The following ITGA11 variants were observed in gnomAD, a reference collection of about 807,000 sequenced individuals.
The protein encoded by ITGA11 is integrin alpha-11.
ITGA11 carries 97 observed loss-of-function variants against 141.9 expected under a neutral mutation model. That is an observed-to-expected ratio of 0.68 (90% CI 0.58 to 0.81). ITGA11 has a LOEUF of 0.81. Among genes scored for constraint, ITGA11 ranks in the 30% least tolerant of loss-of-function variants. The probability of loss-of-function intolerance (pLI) is 0.00; values close to 1 mark genes in which losing one functional copy is unlikely to be tolerated. For synonymous variants in ITGA11, 658 were observed against 624.6 expected (o/e 1.05, Z -0.80); for missense variants, 1,387 against 1,559.2 (o/e 0.89, Z 1.86).
rs1484114299 is a variant in ITGA11 at position 68,364,769 on chromosome 15, G to A, written c.295C>T (p.Arg99Trp). The A allele has an allele frequency of 1.9e-5, 30 of 1,613,076 alleles. No homozygotes were observed. The highest frequency in any genetic ancestry group is 2.5e-5 in the Non-Finnish European group (29 of 1,179,490). The change falls in exon 4 of 30, where the codon CGG becomes TGG. Residue 99 changes from arginine to tryptophan, a missense_variant. Physicochemically the swap from Arg to Trp is moderately radical, Grantham distance 101. Transcript: ENST00000315757. The part of the protein sequence containing the change: ...GRVTLSNVSE[R>W]KDNMRLGLSL... ...AGGCCGAGGCGCATGTTGTCTTTCC[G>A]CTCGGACACGTTGGACAGGGTGACC...
rs1317903443 is a variant in ITGA11 at position 68,428,903 on chromosome 15, G to T, written c.52+3112C>A. ...CCCTGAGTTCTTATTATGATCAAGA[G>T]TTTGGGCCAGGGCTTTGCGGGAGGG... On this transcript the variant is annotated intron_variant, in intron 1 of 29. Transcript: ENST00000315757. Among the ~76,000 whole-genome samples the T allele has an allele frequency of 3.3e-5, 5 of 152,328 alleles. No individual in the cohort carries two copies. In the East Asian group the frequency reaches 9.6e-4, roughly 29 times the overall value.
rs371042094 is a variant in ITGA11 at position 68,402,990 on chromosome 15, C to G, written c.92G>C (p.Arg31Pro). 8 of 1,613,478 alleles carry G rather than the reference C, an allele frequency of 5.0e-6. No individual in the cohort carries two copies. Among genetic ancestry groups the G allele is most frequent in the Non-Finnish European group, 6.8e-6 (8 of 1,179,726 alleles). The change falls in exon 2 of 30, where the codon CGG becomes CCG. Residue 31 changes from arginine to proline, a missense_variant. Arg to Pro is a moderately radical substitution (Grantham distance 103). Transcript: ENST00000315757. ...DTFNMDTRKPRVIPGSRTAFF... is the reference protein window; with the variant it reads ...DTFNMDTRKPPVIPGSRTAFF... The stretch of plus-strand genomic sequence containing the variant: ...GGCGGTCCTGGAGCCAGGGATGACC[C>G]GGGGCTTCCTGGTGTCCATGTTGAA...
chr15:68,396,250 CCAAT>C (rs34098259), intron 2 of ITGA11, among the ~76,000 whole-genome samples: 75,934 of 150,318 alleles, frequency 0.51, 19,532 homozygotes, highest in East Asian at 0.68. Flanking sequence ...AAATATCAAT[CCAAT>C]CAATCAATCA....
intron 1 of ITGA11, among the ~76,000 whole-genome samples, chr15:68,420,961 C>T (rs938168760): frequency 6.6e-6 from 1 of 152,174 alleles, no homozygotes; most frequent in Non-Finnish European, 1.5e-5. Flanking sequence ...GGTAGGAGCC[C>T]GAGGCAAGGC....
intron 1 of ITGA11, among the ~76,000 whole-genome samples, chr15:68,425,132 TG>T: frequency 6.6e-6 from 1 of 152,304 alleles, no homozygotes; most frequent in East Asian, 1.9e-4. Flanking sequence ...ACAGGCCACT[TG>T]GTTTTTTATC....
intron 1 of ITGA11, among the ~76,000 whole-genome samples, chr15:68,418,448 C>CT: frequency 6.6e-6 from 1 of 152,266 alleles, no homozygotes; most frequent in South Asian, 2.1e-4. Context: ...CAGTTTCTTA[C>CT]TTCACATGGC....
At chr15:68,349,432 C>G (rs1423601612) in intron 9 of ITGA11, among the ~76,000 whole-genome samples, 3 of 152,188 alleles carry the variant, frequency 2.0e-5, no homozygotes, top group Non-Finnish European at 4.4e-5. Flanking sequence ...CAGAGGGACT[C>G]CCTGAACACA....
chr15:68,364,778 C>T lies in ITGA11; in HGVS notation c.286G>A (p.Val96Met), dbSNP rs201928196. The change falls in exon 4 of 30, where the codon GTG becomes ATG. Residue 96 changes from valine (V) to methionine (M), a missense_variant. By Grantham distance (21) the Val-to-Met change is conservative. Coordinates refer to ENST00000315757, the MANE Select transcript of ITGA11 (RefSeq NM_001004439.2). ...CGCATGTTGTCTTTCCGCTCGGACACGTTGGACAGGGTGACCCTTCCTGGG... is the reference window on the plus strand; with the variant it reads ...CGCATGTTGTCTTTCCGCTCGGACATGTTGGACAGGGTGACCCTTCCTGGG... ...LNLGRVTLSN[V>M]SERKDNMRLG... The T allele has an allele frequency of 7.2e-4, 1,169 of 1,613,802 alleles. 2 individuals carry two copies. The highest frequency in any genetic ancestry group is 1.8e-3 in the Admixed American group (109 of 60,030).
intron 11 of ITGA11, among the ~76,000 whole-genome samples, chr15:68,338,403 C>T (rs1447116979): frequency 3.3e-5 from 5 of 152,242 alleles, no homozygotes; most frequent in East Asian, 1.9e-4. Context: ...CTGCTTACCA[C>T]GGCACTTAAC....
Position 68,307,502 on chromosome 15 carries a change from C to G in ITGA11, c.3286-59G>C. On this transcript the variant is annotated intron_variant, in intron 27 of 29. Coordinates refer to ENST00000315757, the MANE Select transcript of ITGA11 (RefSeq NM_001004439.2). This position sits in a 1 kb window ranked among gnomAD's most constrained non-coding sequence, Gnocchi z 6.1. The stretch of plus-strand genomic sequence containing the variant: ...TGGAAGCTTTTCTTCCCGTCCCCTC[C>G]CCAGGCAGCCCCAGGTGGAAGACAT... The G allele has an allele frequency of 1.3e-6, 2 of 1,509,632 alleles. No individual in the cohort carries two copies. The highest frequency in any genetic ancestry group is 2.4e-5 in the South Asian group (2 of 83,700). 93.5% of individuals were successfully genotyped at this position (1,509,632 alleles called of 1,614,324 possible).
At position 68,326,474 on chromosome 15, in the gene ITGA11, C is replaced by T. The variant is rs1176876280; in HGVS notation, c.2211+180G>A. On this transcript the variant is annotated intron_variant, in intron 17 of 29. Transcript: ENST00000315757. This position sits in a 1 kb window ranked among gnomAD's most constrained non-coding sequence, Gnocchi z 6.8. ...GGATGTCTAGTGAGGTGGTATGTAG[C>T]GTGTCTCTGGGGCATGAGGTGGGAA... 6.6e-6 allele frequency among the ~76,000 whole-genome samples: 1 copy of T among 151,864 alleles called. No individual in the cohort carries two copies. The highest frequency in any genetic ancestry group is 1.5e-5 in the Non-Finnish European group (1 of 67,990).
At chr15:68,317,505 C>T in intron 20 of ITGA11, 142 bp from the exon 21 acceptor site, 2 of 656,224 alleles carry the variant, frequency 3.0e-6, no homozygotes, top group South Asian at 3.6e-5. Flanking sequence ...TGGACCACAG[C>T]CCTTCTGATG....
chr15:68,405,889 G>A (rs934652672), intron 1 of ITGA11, among the ~76,000 whole-genome samples: 7 of 152,088 alleles, frequency 4.6e-5, no homozygotes, highest in African/African-American at 1.7e-4. Flanking sequence ...CACGCACACA[G>A]ATATACATGT....
rs527496019 is a variant in ITGA11 at position 68,397,854 on chromosome 15, T to A, written c.164+5064A>T. ...AAATATTATTCTATTTATTATAACA[T>A]TCTTAAAGAAAAGAATCTTCAACCC... is the stretch of plus-strand genomic sequence containing the variant. On this transcript the variant is annotated intron_variant, in intron 2 of 29. Coordinates refer to ENST00000315757, the MANE Select transcript of ITGA11 (RefSeq NM_001004439.2). 2.7e-3 allele frequency among the ~76,000 whole-genome samples: 399 copies of A among 145,830 alleles called. 3 individuals carry two copies. Among genetic ancestry groups the A allele is most frequent in the African/African-American group, 9.8e-3 (393 of 39,992 alleles).
chr15:68,384,882 G>C (rs1273704088), intron 2 of ITGA11, among the ~76,000 whole-genome samples: 1 of 152,216 alleles, frequency 6.6e-6, no homozygotes, highest in Non-Finnish European at 1.5e-5. Context: ...CCCCAGGCCT[G>C]GCAGCCTGCA....
At chr15:68,343,312 G>C (rs1418072689) in intron 10 of ITGA11, among the ~76,000 whole-genome samples, 1 of 152,164 alleles carries the variant, frequency 6.6e-6, no homozygotes, top group African/African-American at 2.4e-5. Context: ...ACTGAGAAGA[G>C]GGGGTGAGTA....
rs1897285819 is a variant in ITGA11, at chr15:68,432,144, C to A, written c.-78G>T. On this transcript the variant is annotated 5_prime_UTR_variant, in exon 1 of 30. Coordinates refer to ENST00000315757, the MANE Select transcript of ITGA11 (RefSeq NM_001004439.2). ...AGCCAGAGCGGCAGCCTCCTCGGCG[C>A]GGCGCCTGCAGCCTGCACTGCGCGG... is the stretch of plus-strand genomic sequence containing the variant. The A allele has an allele frequency of 2.6e-6, 3 of 1,138,926 alleles. No homozygotes were observed. The highest frequency in any genetic ancestry group is 2.9e-5 in the South Asian group (1 of 35,082). The allele number at this position is 1,138,926 out of a possible 1,614,324, so 70.6% of individuals were successfully genotyped here.
intron 26 of ITGA11, among the ~76,000 whole-genome samples, chr15:68,309,590 CTTTTTTTTTT>C (rs913221357): frequency 6.4e-5 from 7 of 108,738 alleles, no homozygotes; most frequent in Non-Finnish European, 1.3e-4. Flanking sequence ...CAATACAGTC[CTTTTTTTTTT>C]TTTTTTTTTT....
chr15:68,405,063 A>G (rs971562307), intron 1 of ITGA11, among the ~76,000 whole-genome samples: 54 of 151,084 alleles, frequency 3.6e-4, no homozygotes, highest in African/African-American at 1.3e-3. Flanking sequence ...TCCCCTGGGC[A>G]CTGACCCCCT....
Sources: allele counts gnomAD v4.1 joint callset (sites outside exome capture counted in the v4.1 genomes callset), GRCh38; gene constraint gnomAD v4.1.1; non-coding constraint Gnocchi (gnomAD v3.1); transcripts MANE v1.5; gene names NCBI Gene and HGNC (gene_info 2026-07-23, HGNC 2026-07-21).